Variants in ROBO1 observed in about 807,000 individuals in gnomAD.
ROBO1 encodes the protein roundabout guidance receptor 1.
A neutral mutation model predicts 195.9 loss-of-function variants in ROBO1; 149 were observed. The observed-to-expected ratio is 0.76, with a 90% confidence interval of 0.67 to 0.87. The LOEUF (loss-of-function observed/expected upper bound fraction) is 0.87. Ranked by LOEUF, ROBO1 falls within the 40% of genes least tolerant of loss-of-function variation. The pLI, the probability that ROBO1 is intolerant of heterozygous loss-of-function variation, is 0.00. For synonymous variants in ROBO1, 816 were observed against 733.2 expected (o/e 1.11, Z -1.82); for missense variants, 1,933 against 2,068.3 (o/e 0.93, Z 1.27).
At chr3:78,870,214 G>C (rs965833337) in intron 4 of ROBO1, among the ~76,000 whole-genome samples, 20 of 152,136 alleles carry the variant, frequency 1.3e-4, no homozygotes, top group Non-Finnish European at 2.4e-4. Flanking sequence ...TTGTTCACTT[G>C]ATTTGCCTTA....
chr3:78,945,930 C>T lies in ROBO1; in HGVS notation c.173-7003G>A, dbSNP rs529886830. Among the ~76,000 whole-genome samples the T allele has an allele frequency of 7.9e-3, 1,133 of 143,746 alleles. 12 individuals carry two copies. The highest frequency in any genetic ancestry group is 0.028 in the African/African-American group (1,089 of 39,398). 94.3% of individuals were successfully genotyped at this position (143,746 alleles called of 152,430 possible). ...AAGAAAGGGTATCAGTGATGGAAGACGAAATGAATGAAATGAAGCGAGAAG... is the reference window on the plus strand; with the variant it reads ...AAGAAAGGGTATCAGTGATGGAAGATGAAATGAATGAAATGAAGCGAGAAG... On this transcript the variant is annotated intron_variant, in intron 3 of 30. Transcript: ENST00000464233.
rs1259977914 is a variant in ROBO1, at chr3:79,261,266, AAGAAC to A, written c.89-135732_89-135728del. ...CAGATTCCATTTTCATATTATGTAGAAGAACAGCTGTAAAAACATTTATTGTATTT... is the reference window on the plus strand; with the variant it reads ...CAGATTCCATTTTCATATTATGTAGAAGCTGTAAAAACATTTATTGTATTT... On this transcript the variant is annotated intron_variant, in intron 2 of 30. Coordinates refer to ENST00000464233, the MANE Select transcript of ROBO1 (RefSeq NM_002941.4). 1.4e-4 allele frequency among the ~76,000 whole-genome samples: 22 copies of A among 152,196 alleles called. No individual in the cohort carries two copies. In the East Asian group the frequency reaches 4.0e-3, roughly 28 times the overall value.
intron 5 of ROBO1, among the ~76,000 whole-genome samples, chr3:78,737,635 T>C (rs773715514): frequency 6.6e-6 from 1 of 152,196 alleles, no homozygotes; most frequent in Admixed American, 6.5e-5. Context: ...TATAATGTGG[T>C]CTTATAATGC....
chr3:79,064,197 C>T (rs1217754754), intron 3 of ROBO1, among the ~76,000 whole-genome samples: 2 of 151,800 alleles, frequency 1.3e-5, no homozygotes, highest in African/African-American at 2.4e-5. Flanking sequence ...TCACACTGTA[C>T]CCTATAAATA....
chr3:79,478,606 T>C (rs529627839), intron 2 of ROBO1, among the ~76,000 whole-genome samples: 2 of 152,292 alleles, frequency 1.3e-5, no homozygotes, highest in South Asian at 4.1e-4. Flanking sequence ...TTTTTCAGAA[T>C]GTAATGTGTA....
At chr3:79,151,002 T>C (rs115888441) in intron 2 of ROBO1, among the ~76,000 whole-genome samples, 3,643 of 151,844 alleles carry the variant, frequency 0.024, 66 homozygotes, top group Non-Finnish European at 0.038. Flanking sequence ...GTGGAGATAA[T>C]TGAATCATGG....
At chr3:79,090,986 G>A (rs572710863) in intron 3 of ROBO1, among the ~76,000 whole-genome samples, 2 of 152,136 alleles carry the variant, frequency 1.3e-5, no homozygotes, top group African/African-American at 4.8e-5. Context: ...TTTATGCTAA[G>A]TTTAGATTTC....
At chr3:78,759,595 C>A (rs1036818231) in intron 4 of ROBO1, among the ~76,000 whole-genome samples, 1 of 152,100 alleles carries the variant, frequency 6.6e-6, no homozygotes, top group Non-Finnish European at 1.5e-5. Context: ...TTTCAGTTGT[C>A]AATTTTATAT....
intron 3 of ROBO1, among the ~76,000 whole-genome samples, chr3:79,029,998 C>T (rs752195092): frequency 4.1e-4 from 63 of 152,226 alleles, no homozygotes; most frequent in Admixed American, 9.8e-4. Context: ...TTTGTGTTGG[C>T]AATTTTGTGT....
chr3:79,112,710 G>A (rs903485134), intron 3 of ROBO1, among the ~76,000 whole-genome samples: 1 of 149,672 alleles, frequency 6.7e-6, no homozygotes, highest in Non-Finnish European at 1.5e-5. Flanking sequence ...TGAACAATGA[G>A]AACACATGGA....
chr3:79,222,698 G>A (rs2082161448), intron 2 of ROBO1, among the ~76,000 whole-genome samples: 1 of 150,996 alleles, frequency 6.6e-6, no homozygotes, highest in African/African-American at 2.4e-5. Context: ...TAAATGTTGA[G>A]CATTAAGATT....
intron 4 of ROBO1, among the ~76,000 whole-genome samples, chr3:78,864,394 A>C (rs1233259548): frequency 6.6e-6 from 1 of 152,204 alleles, no homozygotes; most frequent in Non-Finnish European, 1.5e-5. Flanking sequence ...AAGCATATAC[A>C]TGAGGGTCCT....
intron 1 of ROBO1, among the ~76,000 whole-genome samples, chr3:79,648,220 G>T (rs1456549946): frequency 6.6e-6 from 1 of 152,012 alleles, no homozygotes; most frequent in Non-Finnish European, 1.5e-5. Flanking sequence ...TCTGTGTTTG[G>T]ACTGGGCCCT....
chr3:79,753,957 T>C (rs1704253547), intron 1 of ROBO1, among the ~76,000 whole-genome samples: 2 of 152,174 alleles, frequency 1.3e-5, no homozygotes, highest in South Asian at 4.1e-4. Context: ...AATCTACCAT[T>C]GGTTGAGGGT....
chr3:79,440,766 G>A (rs964546563), intron 2 of ROBO1, among the ~76,000 whole-genome samples: 2 of 152,116 alleles, frequency 1.3e-5, no homozygotes, highest in Admixed American at 6.6e-5. Flanking sequence ...AAGGCAAGAT[G>A]GAAGAATATA....
chr3:79,617,201 T>C (rs1331397970), intron 1 of ROBO1, among the ~76,000 whole-genome samples: 1 of 152,124 alleles, frequency 6.6e-6, no homozygotes, highest in Non-Finnish European at 1.5e-5. Flanking sequence ...ATCCCAGTCA[T>C]AGTATGTGCT....
At chr3:79,402,125 C>G (rs1195717376) in intron 2 of ROBO1, among the ~76,000 whole-genome samples, 2 of 151,694 alleles carry the variant, frequency 1.3e-5, no homozygotes, top group African/African-American at 4.8e-5. Flanking sequence ...GTAATTTTCT[C>G]TGCACTTATC....
intron 1 of ROBO1, among the ~76,000 whole-genome samples, chr3:79,649,372 T>G (rs1181091511): frequency 6.6e-6 from 1 of 152,052 alleles, no homozygotes; most frequent in African/African-American, 2.4e-5. Flanking sequence ...ATTTAACCTA[T>G]CTATAGTTAT....
chr3:79,617,982 T>A (rs1313647784), intron 1 of ROBO1, among the ~76,000 whole-genome samples: 1 of 149,822 alleles, frequency 6.7e-6, no homozygotes, highest in African/African-American at 2.4e-5. Flanking sequence ...CAAAATGTAG[T>A]TGAAAGCTTA....
Sources: gnomAD v4.1 joint callset for allele counts (sites outside exome capture counted in the v4.1 genomes callset) on GRCh38, gnomAD v4.1.1 for gene constraint, MANE v1.5 for transcripts, NCBI Gene and HGNC (gene_info 2026-07-23, HGNC 2026-07-21) for gene names.